Variants in CRB1 observed in about 807,000 individuals in gnomAD.
CRB1 encodes the protein protein crumbs homolog 1.
In CRB1, 83 loss-of-function variants were observed where a neutral mutation model predicts 120.0. The ratio of observed to expected loss-of-function variants is 0.69; its 90% CI spans 0.58 to 0.83. The LOEUF is 0.83. Ranked by LOEUF, CRB1 falls within the 40% of genes least tolerant of loss-of-function variation. The pLI, the probability that CRB1 is intolerant of heterozygous loss-of-function variation, is 0.00. For synonymous variants in CRB1, 625 were observed against 612.5 expected (o/e 1.02, Z -0.30); for missense variants, 1,699 against 1,687.6 (o/e 1.01, Z -0.12).
intron 1 of CRB1, among the ~76,000 whole-genome samples, chr1:197,326,936 A>G (rs1424055947): frequency 6.6e-6 from 1 of 151,654 alleles, no homozygotes; most frequent in Admixed American, 6.6e-5. Context: ...CTTTTTAATT[A>G]TTTTTATTGC....
chr1:197,453,032 A>G (rs1265151626), intron 11 of CRB1, among the ~76,000 whole-genome samples: 1 of 152,040 alleles, frequency 6.6e-6, no homozygotes, highest in East Asian at 1.9e-4. Flanking sequence ...ATGGAATATT[A>G]TTCAGCCTTA....
chr1:197,423,389 A>G (rs1664430801), intron 6 of CRB1, among the ~76,000 whole-genome samples: 1 of 152,170 alleles, frequency 6.6e-6, no homozygotes, highest in African/African-American at 2.4e-5. Flanking sequence ...CTCCAACATT[A>G]TTTGAAACTG....
chr1:197,394,538 C>G (rs1662676286), intron 5 of CRB1, among the ~76,000 whole-genome samples: 1 of 151,714 alleles, frequency 6.6e-6, no homozygotes, highest in African/African-American at 2.4e-5. Flanking sequence ...TGTAAAACTA[C>G]CTACATTCAC....
At chr1:197,363,240 AAAG>A (rs1660873041) in intron 5 of CRB1, among the ~76,000 whole-genome samples, 1 of 152,028 alleles carries the variant, frequency 6.6e-6, no homozygotes, top group Non-Finnish European at 1.5e-5. Context: ...AAACTCATGA[AAAG>A]AAGGATACTC....
the CRB1 span, among the ~76,000 whole-genome samples, chr1:197,223,628 A>G: frequency 1.3e-5 from 2 of 152,316 alleles, no homozygotes; most frequent in Middle Eastern, 6.8e-3. Context: ...ACTTCTTTAC[A>G]CAGCATAGGT....
At chr1:197,368,590 TA>T (rs1661204941) in intron 5 of CRB1, among the ~76,000 whole-genome samples, 1 of 152,216 alleles carries the variant, frequency 6.6e-6, no homozygotes, top group African/African-American at 2.4e-5. Flanking sequence ...ATTTAAAGGC[TA>T]ATATTTGGAA....
intron 5 of CRB1, among the ~76,000 whole-genome samples, chr1:197,379,917 G>T (rs980018076): frequency 6.6e-6 from 1 of 152,144 alleles, no homozygotes; most frequent in African/African-American, 2.4e-5. Flanking sequence ...TTTTATAACT[G>T]TTGCCCTCAA....
intron 2 of CRB1, among the ~76,000 whole-genome samples, chr1:197,332,052 A>T (rs966101960): frequency 6.6e-6 from 1 of 151,864 alleles, no homozygotes; most frequent in African/African-American, 2.4e-5. Context: ...AGGCAGGAGA[A>T]TTGCTTGAAT....
chr1:197,351,360 T>G (rs1660088889), intron 4 of CRB1, among the ~76,000 whole-genome samples: 1 of 51,716 alleles, frequency 1.9e-5, no homozygotes, highest in African/African-American at 9.5e-5. Context: ...AGGGTGAGAC[T>G]TGGCAAAAAA....
At chr1:197,273,148 C>A (rs1187096241) in intron 1 of CRB1, among the ~76,000 whole-genome samples, 4 of 151,840 alleles carry the variant, frequency 2.6e-5, no homozygotes, top group African/African-American at 9.7e-5. Flanking sequence ...TGTGACAGTT[C>A]CTCAGGCTTT....
At chr1:197,349,425 C>T (rs1441016157) in intron 4 of CRB1, among the ~76,000 whole-genome samples, 2 of 152,206 alleles carry the variant, frequency 1.3e-5, no homozygotes, top group Non-Finnish European at 2.9e-5. Flanking sequence ...AAAGACACAG[C>T]ATCTCCTATC....
chr1:197,401,538 A>T lies in CRB1; in HGVS notation c.1172-19462A>T, dbSNP rs77869565. On this transcript the variant is annotated intron_variant, in intron 5 of 11. Transcript: ENST00000367400. The stretch of plus-strand genomic sequence containing the variant: ...TATTATTTTAACATTTTGGAAATTT[A>T]TTTTTGAAGAATAACCTTGAACAAT... Among the ~76,000 whole-genome samples, 816 of 152,280 alleles carry T rather than the reference A, an allele frequency of 5.4e-3. 9 individuals carry two copies. Among genetic ancestry groups the T allele is most frequent in the African/African-American group, 0.018 (762 of 41,580 alleles).
At chr1:197,344,548 AT>A (rs1659661367) in intron 3 of CRB1, 72 bp downstream of exon 3, 30 of 1,422,148 alleles carry the variant, frequency 2.1e-5, no homozygotes, top group Non-Finnish European at 2.9e-5. Context: ...ACTCTGTTGA[AT>A]TTAGAGCTCT....
At position 197,421,968 on chromosome 1, in the gene CRB1, C is replaced by G; in HGVS notation, c.2128+12C>G. The G allele has an allele frequency of 6.2e-7, 1 of 1,612,340 alleles. No homozygotes were observed. Among genetic ancestry groups the G allele is most frequent in the Non-Finnish European group, 8.5e-7 (1 of 1,179,596 alleles). Reference sequence around the variant, plus strand: ...CAACTGTCTGAGAGGTGAGAGAAAGCTGAGTGCTATGGCTAGGAGTGCCAT... The same window carrying G: ...CAACTGTCTGAGAGGTGAGAGAAAGGTGAGTGCTATGGCTAGGAGTGCCAT... On this transcript the variant is annotated intron_variant, in intron 6 of 11. Coordinates refer to ENST00000367400, the MANE Select transcript of CRB1 (RefSeq NM_201253.3).
At chr1:197,339,376 C>T (rs1659330879) in intron 2 of CRB1, among the ~76,000 whole-genome samples, 1 of 152,112 alleles carries the variant, frequency 6.6e-6, no homozygotes, top group African/African-American at 2.4e-5. Context: ...CTTGTGTCAC[C>T]GACTTGCACT....
intron 1 of CRB1, among the ~76,000 whole-genome samples, chr1:197,307,847 G>C (rs547894174): frequency 2.2e-4 from 33 of 152,156 alleles, no homozygotes; most frequent in African/African-American, 7.7e-4. Context: ...TCTCTCCCTG[G>C]TCCTTCCACT....
chr1:197,229,861 A>T, the CRB1 span, among the ~76,000 whole-genome samples: 1 of 146,774 alleles, frequency 6.8e-6, no homozygotes, highest in South Asian at 2.1e-4. Flanking sequence ...GGGCAAAAAT[A>T]AAAAAAAGAC....
chr1:197,411,909 C>T (rs567492702), intron 5 of CRB1, among the ~76,000 whole-genome samples: 16 of 152,084 alleles, frequency 1.1e-4, no homozygotes, highest in Non-Finnish European at 1.8e-4. Flanking sequence ...TTTTCCTGAT[C>T]CTCTCCCTCC....
At chr1:197,431,006 C>T (rs1331773959) in intron 8 of CRB1, among the ~76,000 whole-genome samples, 1 of 151,642 alleles carries the variant, frequency 6.6e-6, no homozygotes, top group Non-Finnish European at 1.5e-5. Context: ...TTTGAGTCTG[C>T]AGTAAGCTAG....
Sources: gnomAD v4.1 joint callset for allele counts (sites outside exome capture counted in the v4.1 genomes callset) on GRCh38, gnomAD v4.1.1 for gene constraint, MANE v1.5 for transcripts, NCBI Gene and HGNC (gene_info 2026-07-23, HGNC 2026-07-21) for gene names.